Variants in COL21A1 observed in about 807,000 individuals in gnomAD.
The protein encoded by COL21A1 is collagen type XXI alpha 1 chain.
A neutral mutation model predicts 137.9 loss-of-function variants in COL21A1; 149 were observed. That is an observed-to-expected ratio of 1.08 (90% CI 0.95 to 1.24). The LOEUF is 1.24. COL21A1 is among the 50% of genes most tolerant of loss of function. The pLI is 0.00. For synonymous variants in COL21A1, 456 were observed against 391.5 expected (o/e 1.16, Z -1.95); for missense variants, 1,167 against 1,158.4 (o/e 1.01, Z -0.11).
intron 1 of COL21A1, among the ~76,000 whole-genome samples, chr6:56,199,585 A>G (rs1779243202): frequency 1.3e-5 from 2 of 152,142 alleles, no homozygotes; most frequent in Non-Finnish European, 2.9e-5. Context: ...AATGATTCAT[A>G]TTATCTGTCA....
intron 16 of COL21A1, among the ~76,000 whole-genome samples, chr6:56,116,856 T>A (rs1013522618): frequency 6.6e-6 from 1 of 152,110 alleles, no homozygotes; most frequent in South Asian, 2.1e-4. Flanking sequence ...TGCTTGTTTG[T>A]TTGTTTATGC....
intron 1 of COL21A1, among the ~76,000 whole-genome samples, chr6:56,322,539 G>T (rs940861521): frequency 6.6e-6 from 1 of 152,078 alleles, no homozygotes; most frequent in Admixed American, 6.6e-5. Flanking sequence ...TGTGTTGATT[G>T]TAATGGCTCC....
At chr6:56,232,757 A>T (rs766460535) in intron 1 of COL21A1, among the ~76,000 whole-genome samples, 13 of 151,934 alleles carry the variant, frequency 8.6e-5, no homozygotes, top group Non-Finnish European at 1.2e-4. Flanking sequence ...AATTGCAAAC[A>T]AGATCCCTAG....
chr6:56,170,674 A>G lies in COL21A1; in HGVS notation c.1001T>C (p.Val334Ala). ...TTSVINGSQV[V>A]TFANPQVKTL... ...CTTAACTTGAGGGTTAGCAAAGGTA[A>G]CCACTTGTGAGCCATTAATTACGCT... Residue 334 changes from valine (V) to alanine (A), a missense_variant, in exon 5 of 30, where the codon GTT becomes GCT. Val to Ala is a moderately conservative substitution (Grantham distance 64, BLOSUM62 0). Transcript: ENST00000244728. The G allele has an allele frequency of 6.3e-7, 1 of 1,599,342 alleles. No individual in the cohort carries two copies. Among genetic ancestry groups the G allele is most frequent in the Non-Finnish European group, 8.5e-7 (1 of 1,171,146 alleles).
intron 9 of COL21A1, among the ~76,000 whole-genome samples, chr6:56,163,431 C>T (rs1776332754): frequency 6.6e-6 from 1 of 152,190 alleles, no homozygotes; most frequent in South Asian, 2.1e-4. Flanking sequence ...TAGCCATTTG[C>T]TGGGCGCGGT....
At chr6:56,280,790 AT>A (rs1174281916) in intron 1 of COL21A1, among the ~76,000 whole-genome samples, 1 of 152,066 alleles carries the variant, frequency 6.6e-6, no homozygotes, top group African/African-American at 2.4e-5. Flanking sequence ...ATGTGGGTGG[AT>A]TATTGAGCCA....
At chr6:56,251,453 A>G (rs548919128), upstream of COL21A1, among the ~76,000 whole-genome samples, 1 of 152,298 alleles carries the variant, frequency 6.6e-6, no homozygotes, top group Non-Finnish European at 1.5e-5. Flanking sequence ...AGGGAGAAAA[A>G]CATCAATGTA....
At chr6:56,059,922 G>A (rs1765650324) in intron 28 of COL21A1, 96 bp downstream of exon 28, 2 of 819,840 alleles carry the variant, frequency 2.4e-6, no homozygotes, top group Non-Finnish European at 1.9e-6. Context: ...TTTTTATCAT[G>A]AAAAAAGTTA....
intron 1 of COL21A1, among the ~76,000 whole-genome samples, chr6:56,305,823 C>T (rs1352221102): frequency 2.0e-5 from 3 of 151,426 alleles, no homozygotes; most frequent in Middle Eastern, 3.4e-3. Context: ...CAGTTTCTTC[C>T]TAGCCTCGAT....
intron 16 of COL21A1, among the ~76,000 whole-genome samples, chr6:56,113,424 A>G (rs1472049311): frequency 1.3e-5 from 2 of 152,084 alleles, no homozygotes; most frequent in Non-Finnish European, 2.9e-5. Context: ...GCCTTAGCTC[A>G]TTTCTAGACA....
chr6:56,145,764 AG>A (rs886255667), intron 10 of COL21A1, among the ~76,000 whole-genome samples: 63 of 152,162 alleles, frequency 4.1e-4, no homozygotes, highest in Admixed American at 9.8e-4. Flanking sequence ...ATTTATTAGC[AG>A]GTCCAAATAT....
chr6:56,076,236 C>G (rs12216538), intron 18 of COL21A1, among the ~76,000 whole-genome samples: 22,929 of 151,212 alleles, frequency 0.15, 1,746 homozygotes, highest in Middle Eastern at 0.22. Context: ...GATGACTCAG[C>G]ACTTTCAAAT....
chr6:56,348,829 T>G (rs1042156766), intron 1 of COL21A1, among the ~76,000 whole-genome samples: 11 of 152,346 alleles, frequency 7.2e-5, no homozygotes, highest in Admixed American at 5.9e-4. Flanking sequence ...GTGGACTTTC[T>G]TGTTTTAGCC....
chr6:56,314,601 A>C (rs1397801653), intron 1 of COL21A1, among the ~76,000 whole-genome samples: 1 of 152,200 alleles, frequency 6.6e-6, no homozygotes, highest in Non-Finnish European at 1.5e-5. Context: ...GGTTGAATTC[A>C]GTGATCTTAA....
chr6:56,146,512 T>C (rs942049328), intron 10 of COL21A1, among the ~76,000 whole-genome samples: 2 of 152,120 alleles, frequency 1.3e-5, no homozygotes, highest in African/African-American at 4.8e-5. Context: ...CTTAGATTAC[T>C]TCATTAATAA....
intron 1 of COL21A1, among the ~76,000 whole-genome samples, chr6:56,216,290 C>A (rs1472614694): frequency 6.6e-6 from 1 of 152,082 alleles, no homozygotes; most frequent in African/African-American, 2.4e-5. Flanking sequence ...TCCAACCCTA[C>A]AGAGAGGACC....
chr6:56,082,254 A>C (rs1767848054), intron 17 of COL21A1, among the ~76,000 whole-genome samples: 1 of 151,968 alleles, frequency 6.6e-6, no homozygotes, highest in Non-Finnish European at 1.5e-5. Context: ...ACCAGAGCCC[A>C]AAGGTCCAGG....
At chr6:56,257,307 T>C (rs187767719) in intron 1 of COL21A1, among the ~76,000 whole-genome samples, 2 of 152,334 alleles carry the variant, frequency 1.3e-5, no homozygotes, top group Admixed American at 1.3e-4. Context: ...CATATGGTTC[T>C]GGTGAGAGTA....
At chr6:56,315,616 C>T (rs1337450103) in intron 1 of COL21A1, among the ~76,000 whole-genome samples, 1 of 138,070 alleles carries the variant, frequency 7.2e-6, no homozygotes, top group Non-Finnish European at 1.6e-5. Flanking sequence ...TGAGACTTTT[C>T]TCTCCTTCTC....
Sources: gnomAD v4.1 joint callset for allele counts (sites outside exome capture counted in the v4.1 genomes callset) on GRCh38, gnomAD v4.1.1 for gene constraint, MANE v1.5 for transcripts, NCBI Gene and HGNC (gene_info 2026-07-23, HGNC 2026-07-21) for gene names.